DNAH12: variants seen among roughly 807,000 people sequenced by gnomAD.
DNAH12 encodes dynein axonemal heavy chain 12.
DNAH12 carries 285 observed loss-of-function variants against 371.5 expected under a neutral mutation model. The ratio of observed to expected loss-of-function variants is 0.77; its 90% CI spans 0.70 to 0.85. The LOEUF is 0.85. DNAH12 is among the 40% of genes least tolerant of loss of function. DNAH12 has a pLI of 0.00. For synonymous variants in DNAH12, 1,200 were observed against 1,213.0 expected (o/e 0.99, Z 0.22); for missense variants, 3,611 against 3,689.4 (o/e 0.98, Z 0.55).
intron 11 of DNAH12, among the ~76,000 whole-genome samples, chr3:57,490,749 T>C (rs1312282268): frequency 6.6e-6 from 1 of 152,092 alleles, no homozygotes; most frequent in Non-Finnish European, 1.5e-5. Flanking sequence ...TAATAATTAA[T>C]TGATTCAAAG....
intron 22 of DNAH12, 116 bp from the exon 23 acceptor site, chr3:57,455,010 G>T: frequency 1.8e-6 from 2 of 1,112,888 alleles, no homozygotes; most frequent in Non-Finnish European, 2.4e-6. Context: ...ATGTCATATA[G>T]TCATAAAAAA....
chr3:57,327,074 C>A (rs2061966388), intron 62 of DNAH12, among the ~76,000 whole-genome samples: 7 of 151,064 alleles, frequency 4.6e-5, no homozygotes, highest in Non-Finnish European at 8.9e-5. Flanking sequence ...TCCTGAGTGA[C>A]CTACAAAGAG....
At chr3:57,396,398 A>ATT (rs1263549371) in intron 43 of DNAH12, among the ~76,000 whole-genome samples, 3,753 of 149,272 alleles carry the variant, frequency 0.025, 63 homozygotes, top group Middle Eastern at 0.036. Context: ...CATCATCGTG[A>ATT]TTTTTTTTTT....
In DNAH12 at chr3:57,361,400, C is replaced by A. The variant is rs2062925485; in HGVS notation, c.9360+2194G>T. 2.1e-5 allele frequency among the ~76,000 whole-genome samples: 3 copies of A among 143,042 alleles called. No homozygotes were observed. The South Asian group carries it at 6.6e-4, about 31-fold the overall frequency. 93.8% of individuals were successfully genotyped at this position (143,042 alleles called of 152,430 possible). A position where few individuals can be genotyped will look rare whatever the true frequency, so the allele number is the denominator to read the frequency against. On this transcript the variant is annotated intron_variant, in intron 58 of 73. Coordinates refer to ENST00000495027, the MANE Select transcript of DNAH12 (RefSeq NM_001366028.2). ...ACACACTTATATATATACATACGCA[C>A]TATATATATATACACACACACTATA... is the stretch of plus-strand genomic sequence containing the variant.
At chr3:57,484,602 G>T (rs2066863909) in intron 12 of DNAH12, among the ~76,000 whole-genome samples, 1 of 151,928 alleles carries the variant, frequency 6.6e-6, no homozygotes, top group Middle Eastern at 3.2e-3. Flanking sequence ...AATAACATCA[G>T]AAAAAAGCTT....
intron 32 of DNAH12, among the ~76,000 whole-genome samples, chr3:57,432,459 C>T (rs559640212): frequency 1.3e-5 from 2 of 151,896 alleles, no homozygotes; most frequent in South Asian, 4.2e-4. Context: ...GGATAACAGG[C>T]GTGAGCCACC....
chr3:57,396,979 C>T (rs1272740662), intron 43 of DNAH12, among the ~76,000 whole-genome samples: 1 of 152,062 alleles, frequency 6.6e-6, no homozygotes, highest in African/African-American at 2.4e-5. Context: ...GAGTGGAGAT[C>T]GTGCCACTGC....
intron 13 of DNAH12, among the ~76,000 whole-genome samples, chr3:57,478,350 G>T (rs1433032166): frequency 6.6e-6 from 1 of 152,190 alleles, no homozygotes; most frequent in African/African-American, 2.4e-5. Context: ...TGAATGAAAT[G>T]AAGCTAGAAG....
At chr3:57,294,176 C>CTTT (rs62779960) in intron 73 of DNAH12, among the ~76,000 whole-genome samples, 8 of 129,098 alleles carry the variant, frequency 6.2e-5, no homozygotes, top group African/African-American at 1.5e-4. Context: ...CTTTTCTTTT[C>CTTT]TTTTTTTTTT....
Position 57,403,400 on chromosome 3 carries a change from G to A in DNAH12, c.6857C>T (p.Thr2286Ile). The change falls in exon 43 of 74, where the codon ACT becomes ATT. Residue 2286 changes from threonine to isoleucine, a missense_variant. Coordinates refer to ENST00000495027, the MANE Select transcript of DNAH12 (RefSeq NM_001366028.2). ...GLGGSGRQSL[T>I]RLATSMAKMH... ...TTTTGCCATGGATGTAGCCAGACGA[G>A]TTAAAGATTGACGACCACTTCCTCC... is the stretch of plus-strand genomic sequence containing the variant. The A allele has an allele frequency of 1.3e-6, 2 of 1,551,468 alleles. No individual in the cohort carries two copies. Among genetic ancestry groups the A allele is most frequent in the Non-Finnish European group, 1.7e-6 (2 of 1,146,874 alleles).
intron 10 of DNAH12, 111 bp downstream of exon 10, chr3:57,502,212 T>A: frequency 6.9e-7 from 1 of 1,439,132 alleles, no homozygotes; most frequent in Non-Finnish European, 9.6e-7. Flanking sequence ...TATGCTCACT[T>A]CTGGCTCTCC....
intron 43 of DNAH12, among the ~76,000 whole-genome samples, chr3:57,396,333 T>C (rs1387245884): frequency 2.0e-5 from 3 of 150,476 alleles, no homozygotes; most frequent in Admixed American, 6.6e-5. Context: ...CATTTTAATT[T>C]AAAATAAAAT....
upstream of DNAH12, among the ~76,000 whole-genome samples, chr3:57,547,945 T>C (rs1365234248): frequency 6.6e-6 from 1 of 152,196 alleles, no homozygotes; most frequent in Non-Finnish European, 1.5e-5. Context: ...TAAACCTCTT[T>C]GAAGACACAA....
chr3:57,513,930 C>A (rs1182739644), intron 4 of DNAH12, among the ~76,000 whole-genome samples: 1 of 152,090 alleles, frequency 6.6e-6, no homozygotes, highest in African/African-American at 2.4e-5. Flanking sequence ...TAAAACAATA[C>A]CTCCAGCAGT....
chr3:57,348,969 T>A (rs2062608516), intron 60 of DNAH12, among the ~76,000 whole-genome samples: 1 of 152,038 alleles, frequency 6.6e-6, no homozygotes, highest in Admixed American at 6.6e-5. Flanking sequence ...AAAACAAAGA[T>A]AAATAGATGG....
chr3:57,302,568 T>TATATATATATTTA (rs1491312065), intron 69 of DNAH12, among the ~76,000 whole-genome samples: 1 of 48,624 alleles, frequency 2.1e-5, no homozygotes, highest in African/African-American at 1.4e-4. Context: ...TATATATGTA[T>TATATATATATTTA]TTTTTTTTTT....
rs1472519814 is a variant in DNAH12 at position 57,309,646 on chromosome 3, T to C, written c.11085+20A>G. 6.2e-6 allele frequency: 9 copies of C among 1,449,910 alleles called. No individual in the cohort carries two copies. Among genetic ancestry groups the C allele is most frequent in the South Asian group, 1.5e-5 (1 of 64,988 alleles). 89.8% of individuals were successfully genotyped at this position (1,449,910 alleles called of 1,614,324 possible). Reference sequence around the variant, plus strand: ...ATTTTTATTTATATTATAAGTAACATATTTTAAGCTGAACATTACCTTGTT... The same window carrying C: ...ATTTTTATTTATATTATAAGTAACACATTTTAAGCTGAACATTACCTTGTT... On this transcript the variant is annotated intron_variant, in intron 68 of 73. Transcript: ENST00000495027.
At chr3:57,505,181 A>G (rs1385221753) in intron 8 of DNAH12, among the ~76,000 whole-genome samples, 1 of 151,158 alleles carries the variant, frequency 6.6e-6, no homozygotes, top group Non-Finnish European at 1.5e-5. Context: ...GAGCCACCAC[A>G]CTCAGCTTAT....
At chr3:57,470,798 G>A (rs751341122) in intron 15 of DNAH12, among the ~76,000 whole-genome samples, 162 bp from the exon 16 acceptor site, 5 of 152,008 alleles carry the variant, frequency 3.3e-5, no homozygotes, top group Non-Finnish European at 5.9e-5. Context: ...CCTCTGCCCC[G>A]CTGGTTCAAG....
Sources: allele counts gnomAD v4.1 joint callset (sites outside exome capture counted in the v4.1 genomes callset), GRCh38; gene constraint gnomAD v4.1.1; transcripts MANE v1.5; gene names NCBI Gene and HGNC (gene_info 2026-07-23, HGNC 2026-07-21).